Variants in ARMC7 observed in about 807,000 individuals in gnomAD.
ARMC7 encodes the protein armadillo repeat containing 7.
A neutral mutation model predicts 14.8 loss-of-function variants in ARMC7; 9 were observed. That is an observed-to-expected ratio of 0.61 (90% CI 0.37 to 1.06). ARMC7 has a LOEUF of 1.06. Among genes scored for constraint, ARMC7 ranks in the 50% least tolerant of loss-of-function variants. The pLI is 0.01. For missense variants in ARMC7, 262 were observed against 267.1 expected (o/e 0.98, Z 0.13); for synonymous variants, 125 against 123.4 (o/e 1.01, Z -0.09).
intron 2 of ARMC7, among the ~76,000 whole-genome samples, chr17:75,115,565 T>C (rs1053787141): frequency 1.3e-5 from 2 of 151,322 alleles, no homozygotes; most frequent in African/African-American, 4.9e-5. Flanking sequence ...ACCAAAACCA[T>C]TGTCTGCTTG....
chr17:75,112,235 G>A (rs941736235), intron 2 of ARMC7, among the ~76,000 whole-genome samples: 4 of 152,204 alleles, frequency 2.6e-5, no homozygotes, highest in Non-Finnish European at 5.9e-5. Flanking sequence ...CAGGAGTTTA[G>A]ATCTAGGCCG....
intron 2 of ARMC7, among the ~76,000 whole-genome samples, chr17:75,123,033 T>C: frequency 1.3e-5 from 1 of 78,732 alleles, no homozygotes; most frequent in African/African-American, 3.2e-5. Flanking sequence ...CTTTGGACAC[T>C]TTTTTTTTTT....
chr17:75,122,321 G>A (rs371689749), intron 2 of ARMC7, among the ~76,000 whole-genome samples: 12 of 151,276 alleles, frequency 7.9e-5, no homozygotes, highest in African/African-American at 1.7e-4. Flanking sequence ...GCAAAACTCC[G>A]TCTCAAAACA....
At chr17:75,110,745 CT>C in intron 2 of ARMC7, 139 bp downstream of exon 2, 1 of 1,187,296 alleles carries the variant, frequency 8.4e-7, no homozygotes, top group East Asian at 2.4e-5. Context: ...GGCGGATCAC[CT>C]GAGGTCATGA....
intron 2 of ARMC7, among the ~76,000 whole-genome samples, chr17:75,116,150 C>T (rs748894223): frequency 2.0e-4 from 31 of 152,182 alleles, no homozygotes; most frequent in East Asian, 5.8e-4. Flanking sequence ...GCTGCAGGCC[C>T]GGTGCTGTTG....
intron 2 of ARMC7, among the ~76,000 whole-genome samples, chr17:75,112,245 G>A (rs930765863): frequency 4.6e-5 from 7 of 152,194 alleles, no homozygotes; most frequent in African/African-American, 1.4e-4. Flanking sequence ...GATCTAGGCC[G>A]TGGGAAATAG....
At chr17:75,114,472 T>C in intron 2 of ARMC7, 2 of 393,042 alleles carry the variant, frequency 5.1e-6, no homozygotes, top group Non-Finnish European at 9.0e-6. Context: ...CGTGGGTGAC[T>C]GAGCCCGGGT....
In ARMC7 at chr17:75,110,323, G is replaced by GAA; in HGVS notation, c.35_36insAA (p.Arg13SerfsTer114). The stretch of plus-strand genomic sequence containing the variant: ...AAGCCGAAGGTGGACCCCCACGTCG[G>GAA]GCGGCTGGGATACCTGCAGGCGCTG... On this transcript the variant is annotated frameshift_variant, in exon 1 of 3. Coordinates refer to ENST00000245543, the MANE Select transcript of ARMC7 (RefSeq NM_024585.4). LOFTEE classifies it high-confidence loss of function. The GAA allele has an allele frequency of 6.2e-7, 1 of 1,613,644 alleles. No homozygotes were observed. Among genetic ancestry groups the GAA allele is most frequent in the Non-Finnish European group, 8.5e-7 (1 of 1,180,018 alleles).
intron 2 of ARMC7, among the ~76,000 whole-genome samples, chr17:75,115,977 T>C (rs563456533): frequency 6.6e-6 from 1 of 152,278 alleles, no homozygotes; most frequent in East Asian, 1.9e-4. Flanking sequence ...TGTCGCCCCT[T>C]GTCCCAGAGA....
intron 2 of ARMC7, among the ~76,000 whole-genome samples, chr17:75,127,271 T>G (rs2145135856): frequency 6.6e-6 from 1 of 152,238 alleles, no homozygotes; most frequent in South Asian, 2.1e-4. Flanking sequence ...TTACATATAT[T>G]CACATATTTC....
In ARMC7 at chr17:75,110,588, CT is replaced by C. The variant is rs1167980623; in HGVS notation, c.218del (p.Leu73ArgfsTer53). On this transcript the variant is annotated frameshift_variant, in exon 2 of 3. Transcript: ENST00000245543. LOFTEE classifies it high-confidence loss of function. ...TTCGCTGTCGGAGGAGAATGAGACCCTGGTGGAGTTTGCTATTGGTAAGGGC... is the reference window on the plus strand; with the variant it reads ...TTCGCTGTCGGAGGAGAATGAGACCCGGTGGAGTTTGCTATTGGTAAGGGC... ...LDSLSEENET[L>X]VEFAIGGLCN... 1 of 1,614,232 alleles carries C rather than the reference CT, an allele frequency of 6.2e-7. No individual in the cohort carries two copies. Among genetic ancestry groups the C allele is most frequent in the Non-Finnish European group, 8.5e-7 (1 of 1,180,036 alleles).
At position 75,110,295 on chromosome 17, in the gene ARMC7, C is replaced by T. The variant is rs2073900706; in HGVS notation, c.7C>T (p.Gln3Ter). MA[Q>*]KPKVDPHVGR... ...GTCCTCCGTCACCGCGGCCATGGCC[C>T]AGAAGCCGAAGGTGGACCCCCACGT... Residue 3 changes from glutamine to a stop codon, truncating the protein, a stop_gained, in exon 1 of 3, where the codon CAG (glutamine) becomes TAG (stop). Coordinates refer to ENST00000245543, the MANE Select transcript of ARMC7 (RefSeq NM_024585.4). LOFTEE classifies it high-confidence loss of function. 6.2e-7 allele frequency: 1 copy of T among 1,611,364 alleles called. No individual in the cohort carries two copies. Among genetic ancestry groups the T allele is most frequent in the African/African-American group, 1.3e-5 (1 of 74,872 alleles).
intron 2 of ARMC7, among the ~76,000 whole-genome samples, chr17:75,112,834 G>A (rs1433655588): frequency 2.7e-5 from 4 of 150,718 alleles, no homozygotes; most frequent in African/African-American, 9.8e-5. Flanking sequence ...TAAATCCCTT[G>A]TAACCCTAAA....
intron 2 of ARMC7, among the ~76,000 whole-genome samples, chr17:75,112,372 C>T (rs551719553): frequency 2.0e-5 from 3 of 152,216 alleles, no homozygotes; most frequent in South Asian, 2.1e-4. Flanking sequence ...TTGAGGCTGT[C>T]GTGTGCTGTG....
chr17:75,117,248 T>G lies in ARMC7; in HGVS notation c.235+6642T>G, dbSNP rs1179570511. Among the ~76,000 whole-genome samples the G allele has an allele frequency of 2.0e-5, 3 of 152,252 alleles. No homozygotes were observed. The East Asian group carries it at 5.8e-4, about 29-fold the overall frequency. ...CCCGCCACCACACCCAGCTAATTTTTGTATGTTTAGTAGAGACGGGGTTTC... is the reference window on the plus strand; with the variant it reads ...CCCGCCACCACACCCAGCTAATTTTGGTATGTTTAGTAGAGACGGGGTTTC... On this transcript the variant is annotated intron_variant, in intron 2 of 2. Transcript: ENST00000245543.
At chr17:75,115,053 T>A (rs1300293312) in intron 2 of ARMC7, among the ~76,000 whole-genome samples, 1 of 152,140 alleles carries the variant, frequency 6.6e-6, no homozygotes, top group Non-Finnish European at 1.5e-5. Context: ...CCAGCCTTAC[T>A]TCTGTCTGCA....
chr17:75,120,882 G>A (rs1204757669), intron 2 of ARMC7, among the ~76,000 whole-genome samples: 3 of 150,940 alleles, frequency 2.0e-5, no homozygotes, highest in Non-Finnish European at 2.9e-5. Flanking sequence ...TTAAGTGTCA[G>A]TTTGGTGAAT....
At chr17:75,117,304 T>TCACCTCA (rs1475667233) in intron 2 of ARMC7, among the ~76,000 whole-genome samples, 1 of 152,154 alleles carries the variant, frequency 6.6e-6, no homozygotes, top group Non-Finnish European at 1.5e-5. Context: ...CTCGAACTCC[T>TCACCTCA]CACCTCAGGT....
At chr17:75,114,197 C>T in intron 2 of ARMC7, 1 of 401,194 alleles carries the variant, frequency 2.5e-6, no homozygotes, top group East Asian at 3.6e-5. Context: ...TGACGGTGGC[C>T]CCTGCAGAAG....
Sources: allele counts gnomAD v4.1 joint callset (sites outside exome capture counted in the v4.1 genomes callset), GRCh38; gene constraint gnomAD v4.1.1; transcripts MANE v1.5; gene names NCBI Gene and HGNC (gene_info 2026-07-23, HGNC 2026-07-21).